Variants in SFXN5 observed in about 807,000 individuals in gnomAD.
SFXN5 encodes sideroflexin-5.
Under a neutral mutation model 50.2 loss-of-function variants are expected in SFXN5, and 43 were observed. The ratio of observed to expected loss-of-function variants is 0.86; its 90% CI spans 0.67 to 1.11. The LOEUF is 1.11. Ranked by LOEUF, SFXN5 falls within the 50% of genes least tolerant of loss-of-function variation. The pLI is 0.00. For synonymous variants in SFXN5, 203 were observed against 185.8 expected (o/e 1.09, Z -0.75); for missense variants, 463 against 454.1 (o/e 1.02, Z -0.18).
chr2:73,047,257 T>TATATATATATATATACACACAC (rs1177919651), intron 2 of SFXN5, among the ~76,000 whole-genome samples: 1 of 70,116 alleles, frequency 1.4e-5, no homozygotes, highest in Non-Finnish European at 2.6e-5. Context: ...TATATATATA[T>TATATATATATATATACACACAC]ATATATATAT....
intron 2 of SFXN5, among the ~76,000 whole-genome samples, chr2:73,045,000 G>A (rs1680139668): frequency 6.6e-6 from 1 of 152,202 alleles, no homozygotes; most frequent in Non-Finnish European, 1.5e-5. Context: ...GGAAGAAAAA[G>A]AGGCACAAAA....
intron 1 of SFXN5, among the ~76,000 whole-genome samples, chr2:73,067,492 T>A (rs769826358): frequency 1.3e-5 from 2 of 152,250 alleles, no homozygotes; most frequent in African/African-American, 4.8e-5. Context: ...TGCAAGATGA[T>A]AACAGAGGAC....
intron 6 of SFXN5, among the ~76,000 whole-genome samples, chr2:73,011,101 A>G (rs1313479230): frequency 6.6e-6 from 1 of 152,234 alleles, no homozygotes; most frequent in African/African-American, 2.4e-5. Flanking sequence ...CAAATCAATC[A>G]ATTGTGCAGT....
chr2:72,974,917 C>T (rs1191079517), intron 10 of SFXN5, among the ~76,000 whole-genome samples: 1 of 151,696 alleles, frequency 6.6e-6, no homozygotes, highest in Admixed American at 6.6e-5. Context: ...CACAGGTCTC[C>T]TCTCCAACAC....
intron 1 of SFXN5, among the ~76,000 whole-genome samples, chr2:73,061,815 ATATT>A (rs1220420362): frequency 2.6e-5 from 4 of 152,168 alleles, no homozygotes; most frequent in Non-Finnish European, 4.4e-5. Context: ...TTAAAAATAC[ATATT>A]TAGAGTAAAA....
At chr2:72,989,222 C>A (rs1448790207) in intron 9 of SFXN5, among the ~76,000 whole-genome samples, 1 of 152,132 alleles carries the variant, frequency 6.6e-6, no homozygotes, top group Non-Finnish European at 1.5e-5. Flanking sequence ...AGCCATGGGG[C>A]CTTTGCAGTG....
intron 11 of SFXN5, among the ~76,000 whole-genome samples, 175 bp from the exon 12 acceptor site, chr2:72,968,708 TTTCCTTCC>T (rs10565763): frequency 2.0e-5 from 3 of 151,000 alleles, no homozygotes; most frequent in Non-Finnish European, 4.4e-5. Context: ...TGGTCTCCTT[TTTCCTTCC>T]TTCCTTCCTT....
Position 72,964,210 on chromosome 2 carries a change from GT to G in SFXN5, c.828-2963del, listed in dbSNP as rs550610374. ...GCATTCCTTCAGCACTTGGAGCGCA[GT>G]TTTAGTTTGCACTCCGTTAATTTGT... is the stretch of plus-strand genomic sequence containing the variant. On this transcript the variant is annotated intron_variant, in intron 12 of 13. Coordinates refer to ENST00000272433, the MANE Select transcript of SFXN5 (RefSeq NM_144579.3). Among the ~76,000 whole-genome samples the G allele has an allele frequency of 2.6e-3, 398 of 152,334 alleles. 1 individual carries two copies. The highest frequency in any genetic ancestry group is 9.3e-3 in the African/African-American group (386 of 41,578).
At chr2:73,036,589 G>A (rs1177787472) in intron 3 of SFXN5, among the ~76,000 whole-genome samples, 2 of 152,180 alleles carry the variant, frequency 1.3e-5, no homozygotes, top group African/African-American at 4.8e-5. Context: ...AAACAGGACA[G>A]GCAGCTTCAA....
chr2:73,039,468 A>G (rs1008528462), intron 3 of SFXN5, among the ~76,000 whole-genome samples: 3 of 152,226 alleles, frequency 2.0e-5, no homozygotes, highest in Non-Finnish European at 2.9e-5. Context: ...TGTTATTTCT[A>G]TAATTGTAAC....
Position 73,052,330 on chromosome 2 carries a change from A to AAG in SFXN5, c.171+6196_171+6197dup, listed in dbSNP as rs559429276. Among the ~76,000 whole-genome samples the AAG allele has an allele frequency of 1.9e-3, 255 of 133,356 alleles. 4 individuals are homozygous for AAG. The highest frequency in any genetic ancestry group is 7.6e-3 in the African/African-American group (230 of 30,432). 87.5% of individuals were successfully genotyped at this position (133,356 alleles called of 152,430 possible). A position where few individuals can be genotyped will look rare whatever the true frequency, so the allele number is the denominator to read the frequency against. Reference sequence around the variant, plus strand: ...ACAGAGCCAGAAAATTAGAAAATGTAAGAGAGAGAGTGTGTGTGTGTGTGT... The same window carrying AAG: ...ACAGAGCCAGAAAATTAGAAAATGTAAGAGAGAGAGAGTGTGTGTGTGTGTGT... On this transcript the variant is annotated intron_variant, in intron 2 of 13. Coordinates refer to ENST00000272433, the MANE Select transcript of SFXN5 (RefSeq NM_144579.3).
At chr2:73,039,275 G>A (rs555142507) in intron 3 of SFXN5, among the ~76,000 whole-genome samples, 1 of 152,270 alleles carries the variant, frequency 6.6e-6, no homozygotes, top group South Asian at 2.1e-4. Flanking sequence ...ATCCCTTATT[G>A]ACCAAAATGT....
At chr2:73,055,598 C>CTTTTTTTTTTTTTT (rs570909541) in intron 2 of SFXN5, among the ~76,000 whole-genome samples, 1 of 133,930 alleles carries the variant, frequency 7.5e-6, no homozygotes, top group African/African-American at 2.8e-5. Context: ...TTTTCTTTTT[C>CTTTTTTTTTTTTTT]TTTTTTTTTT....
At chr2:72,988,433 T>C (rs1370383) in intron 9 of SFXN5, 85 bp from the exon 10 acceptor site, 292,275 of 1,145,880 alleles carry the variant, frequency 0.26, 44,455 homozygotes, top group African/African-American at 0.6. Context: ...TGGAGGAACA[T>C]CAGAGAGTGA....
chr2:73,009,528 G>T (rs1310653226), intron 6 of SFXN5, among the ~76,000 whole-genome samples: 5 of 152,228 alleles, frequency 3.3e-5, no homozygotes, highest in Admixed American at 3.3e-4. Context: ...TAGGAAGTGG[G>T]GATAGGTGAG....
At chr2:73,055,720 C>A (rs545942435) in intron 2 of SFXN5, among the ~76,000 whole-genome samples, 52 of 152,162 alleles carry the variant, frequency 3.4e-4, no homozygotes, top group African/African-American at 1.2e-3. Flanking sequence ...AAGTTCACGC[C>A]ATTCTCCTGC....
chr2:72,968,012 C>T (rs1247106683), intron 12 of SFXN5, among the ~76,000 whole-genome samples: 2 of 151,996 alleles, frequency 1.3e-5, no homozygotes, highest in Non-Finnish European at 2.9e-5. Flanking sequence ...GTGATTTGCC[C>T]CACAGCAGAT....
intron 3 of SFXN5, among the ~76,000 whole-genome samples, chr2:73,037,372 T>A (rs1679121117): frequency 6.6e-6 from 1 of 152,152 alleles, no homozygotes; most frequent in Non-Finnish European, 1.5e-5. Context: ...TACCCTCGCT[T>A]CTGGCCCATA....
chr2:72,977,015 T>C lies in SFXN5; in HGVS notation c.626-5330A>G, dbSNP rs185730175. Among the ~76,000 whole-genome samples the C allele has an allele frequency of 7.9e-5, 12 of 152,302 alleles. No homozygotes were observed. In the East Asian group the frequency reaches 2.1e-3, roughly 27 times the overall value. On this transcript the variant is annotated intron_variant, in intron 10 of 13. Transcript: ENST00000272433. ...ATCCTCCCACGGGCAGTGACTGGTC[T>C]AGGAAGAGGCATGTGACCCGATTCC...
Sources: gnomAD v4.1 joint callset for allele counts (sites outside exome capture counted in the v4.1 genomes callset) on GRCh38, gnomAD v4.1.1 for gene constraint, MANE v1.5 for transcripts, NCBI Gene and HGNC (gene_info 2026-07-23, HGNC 2026-07-21) for gene names.